The following MYEF2 variants were observed in gnomAD, a reference collection of about 807,000 sequenced individuals.
The protein encoded by MYEF2 is myelin expression factor 2, also known as myelin gene expression factor 2.
MYEF2 carries 37 observed loss-of-function variants against 75.2 expected under a neutral mutation model. The observed-to-expected ratio is 0.49, with a 90% CI of 0.38 to 0.65. MYEF2 has a LOEUF of 0.65. Among genes scored for constraint, MYEF2 ranks in the 30% least tolerant of loss-of-function variants. The pLI is 0.00. For missense variants in MYEF2, 634 were observed against 771.4 expected (o/e 0.82, Z 2.11); for synonymous variants, 195 against 241.6 (o/e 0.81, Z 1.79).
chr15:48,158,867 G>C lies in MYEF2; in HGVS notation c.773C>G (p.Thr258Ser), dbSNP rs1202047792. The change falls in exon 7 of 17, where the codon ACT (threonine) becomes AGT (serine). Residue 258 changes from threonine (T) to serine (S), a missense_variant. Thr to Ser is a moderately conservative substitution (Grantham distance 58). Coordinates refer to ENST00000324324, the MANE Select transcript of MYEF2 (RefSeq NM_016132.5). ...KLKEVFSIAG[T>S]VKRADIKEDK... is the part of the protein sequence containing the mutation. ...TTCTTTAATATCTGCCCGCTTCACAGTTCCAGCTATGCTGAACACTTCCTT... is the reference window on the plus strand; with the variant it reads ...TTCTTTAATATCTGCCCGCTTCACACTTCCAGCTATGCTGAACACTTCCTT... 1 of 1,613,654 alleles carries C rather than the reference G, an allele frequency of 6.2e-7. No individual in the cohort carries two copies. Among genetic ancestry groups the C allele is most frequent in the Admixed American group, 1.7e-5 (1 of 59,958 alleles).
intron 7 of MYEF2, 84 bp from the exon 8 acceptor site, chr15:48,158,308 C>T: frequency 1.6e-6 from 2 of 1,289,876 alleles, no homozygotes; most frequent in Admixed American, 1.9e-5. Context: ...ATCTTAGAGT[C>T]CAACTCTCTG....
At position 48,149,061 on chromosome 15, in the gene MYEF2, T is replaced by C. The variant is rs138199786; in HGVS notation, c.1610A>G (p.Gln537Arg). The part of the protein sequence containing the change: ...VRNLPFDLTW[Q>R]KLKEKFSQCG... Reference sequence around the variant, plus strand: ...CTGACTGAATTTCTCTTTTAGTTTCTGCCAAGTCAAGTCAAAAGGTAGCTA... The same window carrying C: ...CTGACTGAATTTCTCTTTTAGTTTCCGCCAAGTCAAGTCAAAAGGTAGCTA... Residue 537 changes from glutamine (Q) to arginine (R), a missense_variant, in exon 16 of 17, where the codon CAG (glutamine) becomes CGG (arginine). By Grantham distance (43) the Gln-to-Arg change is conservative. Coordinates refer to ENST00000324324, the MANE Select transcript of MYEF2 (RefSeq NM_016132.5). The surrounding 1 kb of genome is among the most constrained non-coding windows in gnomAD (Gnocchi z 4.0). The C allele has an allele frequency of 6.2e-7, 1 of 1,613,208 alleles. No individual in the cohort carries two copies. Among genetic ancestry groups the C allele is most frequent in the Non-Finnish European group, 8.5e-7 (1 of 1,179,316 alleles).
In MYEF2 at chr15:48,158,877, T is replaced by C; in HGVS notation, c.763A>G (p.Ile255Val). The change falls in exon 7 of 17, where the codon ATA (isoleucine) becomes GTA (valine). Residue 255 changes from isoleucine to valine, a missense_variant. Coordinates refer to ENST00000324324, the MANE Select transcript of MYEF2 (RefSeq NM_016132.5). ...TCTGCCCGCTTCACAGTTCCAGCTA[T>C]GCTGAACACTTCCTTTAGCTTCTTC... ...GWKKLKEVFSIAGTVKRADIK... is the reference protein window; with the variant it reads ...GWKKLKEVFSVAGTVKRADIK... The C allele has an allele frequency of 6.2e-7, 1 of 1,613,770 alleles. No individual in the cohort carries two copies. The highest frequency in any genetic ancestry group is 8.5e-7 in the Non-Finnish European group (1 of 1,179,780).
chr15:48,158,394 C>G (rs748611117), intron 7 of MYEF2, among the ~76,000 whole-genome samples, 170 bp from the exon 8 acceptor site: 1 of 152,144 alleles, frequency 6.6e-6, no homozygotes, highest in Non-Finnish European at 1.5e-5. Flanking sequence ...CAATTCTTTG[C>G]TTTACGGTTT....
chr15:48,134,942 C>T lies in MYEF2; in HGVS notation c.*7966G>A, dbSNP rs2140730889. ...GACTGTGCAGCGTACACAATTAGTGCAGCAGCAGTTCTTGGTATAATATAT... is the reference window on the plus strand; with the variant it reads ...GACTGTGCAGCGTACACAATTAGTGTAGCAGCAGTTCTTGGTATAATATAT... On this transcript the variant is annotated 3_prime_UTR_variant, in exon 17 of 17. Coordinates refer to ENST00000324324, the MANE Select transcript of MYEF2 (RefSeq NM_016132.5). 3 of 1,612,230 alleles carry T rather than the reference C, an allele frequency of 1.9e-6. No homozygotes were observed. Among genetic ancestry groups the T allele is most frequent in the Non-Finnish European group, 2.5e-6 (3 of 1,178,704 alleles).
At chr15:48,176,722 G>A (rs896261100) in intron 1 of MYEF2, among the ~76,000 whole-genome samples, 5 of 152,080 alleles carry the variant, frequency 3.3e-5, no homozygotes, top group African/African-American at 1.2e-4. Context: ...TCATTCCACC[G>A]GTTTTCATTT....
chr15:48,149,432 A>C lies in MYEF2; in HGVS notation c.1379-61T>G. The C allele has an allele frequency of 1.3e-6, 2 of 1,495,464 alleles. No homozygotes were observed. Among genetic ancestry groups the C allele is most frequent in the Non-Finnish European group, 1.9e-6 (2 of 1,076,978 alleles). The allele number at this position is 1,495,464 out of a possible 1,614,324, so 92.6% of individuals were successfully genotyped here. On this transcript the variant is annotated intron_variant, in intron 14 of 16. Transcript: ENST00000324324. The surrounding 1 kb of genome is among the most constrained non-coding windows in gnomAD (Gnocchi z 4.0). ...TTTTGTGTTTTTGTTTCAAAAACAT[A>C]AGGAAAAGGAGAAGAGGAGAAAGGA...
chr15:48,178,206 C>T lies in MYEF2; in HGVS notation c.32G>A (p.Gly11Glu), dbSNP rs201433345. Residue 11 changes from glycine (G) to glutamate (E), a missense_variant, in exon 1 of 17, where the codon GGG (glycine) becomes GAG (glutamate). Coordinates refer to ENST00000324324, the MANE Select transcript of MYEF2 (RefSeq NM_016132.5). MADANKAEVP[G>E]ATGGDSPHLQ... is the part of the protein sequence containing the mutation. The stretch of plus-strand genomic sequence containing the variant: ...GTGCGGGCTGTCGCCACCAGTGGCC[C>T]CGGGCACCTCGGCCTTGTTGGCGTC... 4,120 of 1,488,296 alleles carry T rather than the reference C, an allele frequency of 2.8e-3. 16 individuals carry two copies. Among genetic ancestry groups the T allele is most frequent in the Non-Finnish European group, 3.2e-3 (3,638 of 1,121,810 alleles). The allele number at this position is 1,488,296 out of a possible 1,614,324, so 92.2% of individuals were successfully genotyped here. A position where few individuals can be genotyped will look rare whatever the true frequency, so the allele number is the denominator to read the frequency against.
intron 3 of MYEF2, among the ~76,000 whole-genome samples, chr15:48,166,734 T>G (rs982905948): frequency 6.6e-6 from 1 of 151,998 alleles, no homozygotes; most frequent in Non-Finnish European, 1.5e-5. Flanking sequence ...TGACAAAATT[T>G]TTATTCATCA....
In MYEF2 at chr15:48,136,930, A is replaced by C. The variant is rs764396166; in HGVS notation, c.*5978T>G. 3.1e-6 allele frequency: 5 copies of C among 1,613,310 alleles called. No homozygotes were observed. Among genetic ancestry groups the C allele is most frequent in the South Asian group, 2.2e-5 (2 of 91,030 alleles). ...AGATTCTGGCTACTCTCAGCTCTCT[A>C]TAAGTTTACATGGCCTTAGTCAGGT... is the stretch of plus-strand genomic sequence containing the variant. On this transcript the variant is annotated 3_prime_UTR_variant, in exon 17 of 17. Coordinates refer to ENST00000324324, the MANE Select transcript of MYEF2 (RefSeq NM_016132.5).
At chr15:48,163,866 T>C (rs1021219272) in intron 5 of MYEF2, among the ~76,000 whole-genome samples, 3 of 152,172 alleles carry the variant, frequency 2.0e-5, no homozygotes, top group African/African-American at 7.2e-5. Flanking sequence ...TTGCTGAATA[T>C]TTTAAGCCCA....
intron 1 of MYEF2, among the ~76,000 whole-genome samples, chr15:48,174,708 C>A (rs541705998): frequency 6.6e-6 from 1 of 152,178 alleles, no homozygotes; most frequent in African/African-American, 2.4e-5. Flanking sequence ...TATCACTGTT[C>A]ATCAGGGAAA....
At chr15:48,162,010 T>C (rs907554447) in intron 5 of MYEF2, among the ~76,000 whole-genome samples, 2 of 151,638 alleles carry the variant, frequency 1.3e-5, no homozygotes, top group Non-Finnish European at 2.9e-5. Context: ...CCACCAATAA[T>C]TGGCTGACAC....
At chr15:48,163,571 T>C (rs2040029896) in intron 5 of MYEF2, among the ~76,000 whole-genome samples, 2 of 152,176 alleles carry the variant, frequency 1.3e-5, no homozygotes, top group Non-Finnish European at 2.9e-5. Context: ...CACTAAACAA[T>C]AGATTTTCAG....
intron 9 of MYEF2, among the ~76,000 whole-genome samples, chr15:48,154,273 T>C (rs559363269): frequency 4.6e-5 from 7 of 152,268 alleles, no homozygotes; most frequent in African/African-American, 9.6e-5. Flanking sequence ...TAAAATTTGA[T>C]AATTACTTTT....
chr15:48,157,907 T>C (rs2140876686), intron 9 of MYEF2, 86 bp downstream of exon 9: 1 of 1,569,782 alleles, frequency 6.4e-7, no homozygotes, highest in East Asian at 2.3e-5. Flanking sequence ...AACTAGGATG[T>C]AGGCACAAAA....
chr15:48,165,880 G>C, intron 5 of MYEF2, 53 bp downstream of exon 5: 2 of 1,303,518 alleles, frequency 1.5e-6, no homozygotes, highest in Non-Finnish European at 2.1e-6. Flanking sequence ...AAAATCCAAG[G>C]AAAACATGTC....
At chr15:48,146,082 G>T (rs2039271709) in intron 16 of MYEF2, among the ~76,000 whole-genome samples, 1 of 151,848 alleles carries the variant, frequency 6.6e-6, no homozygotes, top group Non-Finnish European at 1.5e-5. Flanking sequence ...CTGAGAATGG[G>T]TTTTCCTTGT....
rs1364554115 is a variant in MYEF2 at position 48,142,792 on chromosome 15, G to A, written c.*116C>T. ...ATTATACTGTTAAAAGCTGGTGGGA[G>A]TTTTAAAAGTTCATTTTTACAGCTT... On this transcript the variant is annotated 3_prime_UTR_variant, in exon 17 of 17. Transcript: ENST00000324324. The A allele has an allele frequency of 6.9e-6, 7 of 1,007,392 alleles. No homozygotes were observed. Among genetic ancestry groups the A allele is most frequent in the Admixed American group, 3.1e-5 (1 of 32,402 alleles). 62.4% of individuals were successfully genotyped at this position (1,007,392 alleles called of 1,614,324 possible).
Sources: allele counts gnomAD v4.1 joint callset (sites outside exome capture counted in the v4.1 genomes callset), GRCh38; gene constraint gnomAD v4.1.1; non-coding constraint Gnocchi (gnomAD v3.1); transcripts MANE v1.5; gene names NCBI Gene and HGNC (gene_info 2026-07-23, HGNC 2026-07-21).